Variants in FHIT observed in about 807,000 individuals in gnomAD.
FHIT encodes fragile histidine triad diadenosine triphosphatase.
FHIT carries 19 observed loss-of-function variants against 17.9 expected under a neutral mutation model. The observed-to-expected ratio is 1.06, with a 90% CI of 0.74 to 1.56. The LOEUF (loss-of-function observed/expected upper bound fraction) is 1.56, where lower values mean the gene tolerates loss of function less well. Among genes scored for constraint, FHIT ranks in the 40% most tolerant of loss-of-function variants. The pLI is 0.00. For synonymous variants in FHIT, 81 were observed against 69.7 expected, an observed-to-expected ratio of 1.16 and a Z score of -0.81; for missense variants, 248 against 189.2, an observed-to-expected ratio of 1.31 and a Z score of -1.82.
intron 2 of FHIT, among the ~76,000 whole-genome samples, chr3:61,145,523 T>C (rs1433386921): frequency 6.6e-6 from 1 of 152,048 alleles, no homozygotes; most frequent in Non-Finnish European, 1.5e-5. Context: ...CCACATGCAA[T>C]TTAGGATCAG....
chr3:60,614,842 G>GTTTTTTTTTT (rs1340171852), intron 4 of FHIT, among the ~76,000 whole-genome samples: 5 of 59,512 alleles, frequency 8.4e-5, no homozygotes, highest in Non-Finnish European at 2.1e-4. Flanking sequence ...TTTTTTTTTT[G>GTTTTTTTTTT]TTTTTTGAGA....
chr3:60,295,219 C>T (rs756367588), intron 5 of FHIT, among the ~76,000 whole-genome samples: 1 of 151,978 alleles, frequency 6.6e-6, no homozygotes, highest in Admixed American at 6.6e-5. Context: ...CTGTGAATAG[C>T]CACTGCACTC....
chr3:60,973,087 T>G (rs1214694355), intron 3 of FHIT, among the ~76,000 whole-genome samples: 1 of 152,198 alleles, frequency 6.6e-6, no homozygotes, highest in Non-Finnish European at 1.5e-5. Context: ...TTGTTCTTGT[T>G]TCCTGGCATG....
intron 4 of FHIT, among the ~76,000 whole-genome samples, chr3:60,567,415 G>C (rs1025877224): frequency 3.9e-5 from 6 of 152,192 alleles, no homozygotes; most frequent in Non-Finnish European, 5.9e-5. Flanking sequence ...ATAGAAAGCT[G>C]AAACTGGATC....
intron 4 of FHIT, among the ~76,000 whole-genome samples, chr3:60,638,979 G>A (rs1577012598): frequency 1.4e-5 from 2 of 144,914 alleles, no homozygotes; most frequent in Admixed American, 1.4e-4. Context: ...TCCTCCTGCA[G>A]AAAGTAATTG....
chr3:60,966,622 C>G (rs1016014576), intron 3 of FHIT, among the ~76,000 whole-genome samples: 3 of 152,130 alleles, frequency 2.0e-5, no homozygotes, highest in African/African-American at 7.2e-5. Flanking sequence ...GAATGGTTTC[C>G]ACCAGGACAG....
At chr3:59,790,708 A>G (rs1391276511) in intron 8 of FHIT, among the ~76,000 whole-genome samples, 1 of 151,550 alleles carries the variant, frequency 6.6e-6, no homozygotes, top group African/African-American at 2.4e-5. Context: ...GAAAAGGATA[A>G]TTTTTTTTTA....
chr3:61,187,853 G>C (rs923781697), intron 2 of FHIT, among the ~76,000 whole-genome samples: 1 of 152,098 alleles, frequency 6.6e-6, no homozygotes, highest in Non-Finnish European at 1.5e-5. Context: ...ACGAAATGAA[G>C]GTAGAAATAA....
intron 8 of FHIT, among the ~76,000 whole-genome samples, chr3:59,754,416 C>T (rs1023890573): frequency 7.2e-5 from 11 of 152,206 alleles, no homozygotes; most frequent in East Asian, 3.8e-4. Context: ...GCAGTTGCTA[C>T]AGGCAAGGCA....
At chr3:59,980,613 G>T (rs1708610449) in intron 7 of FHIT, among the ~76,000 whole-genome samples, 1 of 152,186 alleles carries the variant, frequency 6.6e-6, no homozygotes, top group Admixed American at 6.5e-5. Flanking sequence ...CTCAAGTTCA[G>T]CCTGGAGAAG....
chr3:60,091,633 G>C (rs998517834), intron 5 of FHIT, among the ~76,000 whole-genome samples: 1 of 152,194 alleles, frequency 6.6e-6, no homozygotes, highest in African/African-American at 2.4e-5. Context: ...GGCACGGTGA[G>C]AGGTGATTTG....
intron 6 of FHIT, among the ~76,000 whole-genome samples, chr3:60,012,266 G>GT (rs769497004): frequency 0.018 from 2,067 of 112,452 alleles, 64 homozygotes; most frequent in South Asian, 0.049. Flanking sequence ...TTTTTTTGTT[G>GT]TTTTTTTTTT....
rs57734772 is a variant in FHIT at position 60,595,627 on chromosome 3, A to ATGTGTG, written c.-17-58654_-17-58649dup. On this transcript the variant is annotated intron_variant, in intron 4 of 9. Coordinates refer to ENST00000492590, the MANE Select transcript of FHIT (RefSeq NM_002012.4). Reference sequence around the variant, plus strand: ...TGTAGATATATGTGTGTATGTATATATGTGTGTGTGTGTGTATAGTGTGTG... The same window carrying ATGTGTG: ...TGTAGATATATGTGTGTATGTATATATGTGTGTGTGTGTGTGTGTGTATAGTGTGTG... Among the ~76,000 whole-genome samples the ATGTGTG allele has an allele frequency of 1.0e-4, 15 of 150,388 alleles. 1 individual carries two copies. In the South Asian group the frequency reaches 3.0e-3, roughly 30 times the overall value.
At chr3:60,405,194 T>C (rs1415037757) in intron 5 of FHIT, among the ~76,000 whole-genome samples, 11 of 152,186 alleles carry the variant, frequency 7.2e-5, no homozygotes, top group Non-Finnish European at 4.4e-5. Flanking sequence ...GAATTTGTCT[T>C]CCCATTTGGC....
At chr3:60,147,822 G>A (rs937959036) in intron 5 of FHIT, among the ~76,000 whole-genome samples, 3 of 152,098 alleles carry the variant, frequency 2.0e-5, no homozygotes, top group East Asian at 3.9e-4. Context: ...CGGTGCAGTT[G>A]TCGAACGACC....
chr3:60,226,472 C>CAAAAAAAAA (rs1189100387), intron 5 of FHIT, among the ~76,000 whole-genome samples: 7,540 of 69,250 alleles, frequency 0.11, 716 homozygotes, highest in Non-Finnish European at 0.13. Flanking sequence ...AACTCCGTCT[C>CAAAAAAAAA]AAAAAAAAAA....
At chr3:60,301,252 G>T (rs2106710102) in intron 5 of FHIT, among the ~76,000 whole-genome samples, 2 of 152,172 alleles carry the variant, frequency 1.3e-5, no homozygotes, top group Middle Eastern at 6.8e-3. Context: ...TATTGGCATT[G>T]CTTCATAAGG....
chr3:59,934,846 A>G (rs1009057541), intron 7 of FHIT, among the ~76,000 whole-genome samples: 1 of 152,042 alleles, frequency 6.6e-6, no homozygotes, highest in Non-Finnish European at 1.5e-5. Context: ...CCATGATTCA[A>G]TTTTCTCCAC....
chr3:60,473,792 G>A (rs1242235741), intron 5 of FHIT, among the ~76,000 whole-genome samples: 1 of 151,954 alleles, frequency 6.6e-6, no homozygotes, highest in East Asian at 1.9e-4. Context: ...GTGGCAGCAT[G>A]CACCTGTATA....
Sources: gnomAD v4.1 joint callset for allele counts (sites outside exome capture counted in the v4.1 genomes callset) on GRCh38, gnomAD v4.1.1 for gene constraint, MANE v1.5 for transcripts, NCBI Gene and HGNC (gene_info 2026-07-23, HGNC 2026-07-21) for gene names.